EXOC4: variants seen among roughly 807,000 people sequenced by gnomAD.
The protein encoded by EXOC4 is SEC8-like 1.
Under a neutral mutation model 107.2 loss-of-function variants are expected in EXOC4, and 71 were observed. The observed-to-expected ratio is 0.66, with a 90% CI of 0.55 to 0.81. EXOC4 has a LOEUF of 0.81. Ranked by LOEUF, EXOC4 falls within the 30% of genes least tolerant of loss-of-function variation. The pLI is 0.00. For synonymous variants in EXOC4, 456 were observed against 441.2 expected, an observed-to-expected ratio of 1.03 and a Z score of -0.42; for missense variants, 1,108 against 1,189.6, an observed-to-expected ratio of 0.93 and a Z score of 1.01.
At chr7:133,285,171 A>C (rs542653345) in intron 2 of EXOC4, among the ~76,000 whole-genome samples, 1 of 152,264 alleles carries the variant, frequency 6.6e-6, no homozygotes, top group Admixed American at 6.5e-5. Context: ...TTTTATAACT[A>C]CACTAATATG....
intron 14 of EXOC4, among the ~76,000 whole-genome samples, chr7:133,975,970 G>T (rs1021265493): frequency 3.3e-5 from 5 of 152,092 alleles, no homozygotes; most frequent in Admixed American, 3.3e-4. Flanking sequence ...AGCATTCAGA[G>T]AACTCTCTGA....
chr7:133,590,343 G>T (rs1479282071), intron 9 of EXOC4, among the ~76,000 whole-genome samples: 2 of 152,024 alleles, frequency 1.3e-5, no homozygotes, highest in African/African-American at 4.8e-5. Context: ...AGGATGGAGT[G>T]CAGTGTAACA....
chr7:133,842,062 A>G (rs1798034941), intron 11 of EXOC4, among the ~76,000 whole-genome samples: 1 of 152,192 alleles, frequency 6.6e-6, no homozygotes, highest in African/African-American at 2.4e-5. Flanking sequence ...ATTGATGGAC[A>G]TTTAGGTTGA....
chr7:133,466,273 A>G lies in EXOC4; in HGVS notation c.1183-9055A>G, dbSNP rs187864664. 6.6e-5 allele frequency among the ~76,000 whole-genome samples: 10 copies of G among 152,308 alleles called. No individual in the cohort carries two copies. In the East Asian group the frequency reaches 1.5e-3, roughly 24 times the overall value. On this transcript the variant is annotated intron_variant, in intron 7 of 17. Transcript: ENST00000253861. ...GTGGAACCAAATAGAGGTCTTTTGAAAAGATCAAAAATTGATATATCTTTA... is the reference window on the plus strand; with the variant it reads ...GTGGAACCAAATAGAGGTCTTTTGAGAAGATCAAAAATTGATATATCTTTA...
intron 7 of EXOC4, among the ~76,000 whole-genome samples, chr7:133,469,979 C>T (rs993406953): frequency 2.0e-5 from 3 of 152,200 alleles, no homozygotes; most frequent in Non-Finnish European, 2.9e-5. Context: ...GGTTGGTTGT[C>T]TCCCTGGTGA....
intron 2 of EXOC4, among the ~76,000 whole-genome samples, chr7:133,279,152 T>C (rs1794071087): frequency 6.6e-6 from 1 of 152,210 alleles, no homozygotes; most frequent in Non-Finnish European, 1.5e-5. Context: ...CATGAACTCA[T>C]CATTTTTTAT....
chr7:133,470,121 C>CT (rs1381018283), intron 7 of EXOC4, among the ~76,000 whole-genome samples: 2 of 152,074 alleles, frequency 1.3e-5, no homozygotes, highest in Non-Finnish European at 2.9e-5. Context: ...TGAAAGGGAT[C>CT]TACCACATCA....
At chr7:133,378,428 AT>A (rs1185874659) in intron 7 of EXOC4, among the ~76,000 whole-genome samples, 7 of 151,942 alleles carry the variant, frequency 4.6e-5, no homozygotes, top group African/African-American at 1.4e-4. Flanking sequence ...AAAAAAAAAA[AT>A]GCTTTTCCCC....
chr7:133,424,560 A>G (rs571847813), intron 7 of EXOC4, among the ~76,000 whole-genome samples: 1 of 152,306 alleles, frequency 6.6e-6, no homozygotes, highest in South Asian at 2.1e-4. Flanking sequence ...CCAAGAACCC[A>G]CCAATTCCAA....
chr7:133,560,848 A>G (rs1301158597), intron 9 of EXOC4, among the ~76,000 whole-genome samples: 1 of 152,168 alleles, frequency 6.6e-6, no homozygotes, highest in African/African-American at 2.4e-5. Context: ...CACAGAGATT[A>G]AATGTTTAGG....
At chr7:134,092,546 G>A in the EXOC4 span, among the ~76,000 whole-genome samples, 1 of 151,980 alleles carries the variant, frequency 6.6e-6, no homozygotes, top group Non-Finnish European at 1.5e-5. Flanking sequence ...GGAGACTTGG[G>A]GCCTATTTTC....
At chr7:133,422,619 G>T (rs965904756) in intron 7 of EXOC4, among the ~76,000 whole-genome samples, 2 of 152,076 alleles carry the variant, frequency 1.3e-5, no homozygotes, top group South Asian at 4.1e-4. Flanking sequence ...TAAAATGGAG[G>T]TTATGTAGGT....
intron 5 of EXOC4, among the ~76,000 whole-genome samples, chr7:133,333,780 T>A (rs1795447863): frequency 6.6e-6 from 1 of 152,226 alleles, no homozygotes; most frequent in Non-Finnish European, 1.5e-5. Flanking sequence ...CCTTCTTTCC[T>A]TATTTCTAGC....
intron 14 of EXOC4, among the ~76,000 whole-genome samples, chr7:133,971,369 G>T (rs868295429): frequency 0.041 from 3,533 of 86,732 alleles, 37 homozygotes; most frequent in East Asian, 0.098. Context: ...TATAGAGAGA[G>T]AGAGAGAGAG....
chr7:134,008,608 C>T lies in EXOC4; in HGVS notation c.2687+773C>T, dbSNP rs140325300. 5.9e-5 allele frequency among the ~76,000 whole-genome samples: 9 copies of T among 152,178 alleles called. No homozygotes were observed. The East Asian group carries it at 1.7e-3, about 29-fold the overall frequency. ...GTTCTCACTGGGAGGAAAGTGAGAACTCATCACTATCCTTTCTCTTCTCTA... is the reference window on the plus strand; with the variant it reads ...GTTCTCACTGGGAGGAAAGTGAGAATTCATCACTATCCTTTCTCTTCTCTA... On this transcript the variant is annotated intron_variant, in intron 17 of 17. Coordinates refer to ENST00000253861, the MANE Select transcript of EXOC4 (RefSeq NM_021807.4).
intron 10 of EXOC4, among the ~76,000 whole-genome samples, chr7:133,669,992 T>C (rs1322387981): frequency 6.6e-6 from 1 of 152,246 alleles, no homozygotes; most frequent in East Asian, 1.9e-4. Context: ...AATTGAAGTT[T>C]TTAATGAACT....
intron 12 of EXOC4, among the ~76,000 whole-genome samples, chr7:133,896,147 T>C (rs1185621102): frequency 6.6e-6 from 1 of 152,216 alleles, no homozygotes; most frequent in Non-Finnish European, 1.5e-5. Flanking sequence ...CTTCCTGATA[T>C]TTAATTTGTA....
chr7:133,357,638 G>A (rs1191918570), intron 6 of EXOC4, among the ~76,000 whole-genome samples: 1 of 152,036 alleles, frequency 6.6e-6, no homozygotes, highest in African/African-American at 2.4e-5. Flanking sequence ...TATACCTAGG[G>A]CTCAAAGTTT....
intron 10 of EXOC4, among the ~76,000 whole-genome samples, chr7:133,670,936 C>T (rs879271254): frequency 7.2e-5 from 11 of 152,178 alleles, no homozygotes; most frequent in Admixed American, 4.6e-4. Context: ...AAAAATAAAG[C>T]GGGCTAAGGA....
Sources: allele counts gnomAD v4.1 joint callset (sites outside exome capture counted in the v4.1 genomes callset), GRCh38; gene constraint gnomAD v4.1.1; transcripts MANE v1.5; gene names NCBI Gene and HGNC (gene_info 2026-07-23, HGNC 2026-07-21).